THSD7B: variants seen among roughly 807,000 people sequenced by gnomAD.
THSD7B encodes thrombospondin type 1 domain containing 7B.
A neutral mutation model predicts 213.6 loss-of-function variants in THSD7B; 138 were observed. That is an observed-to-expected ratio of 0.65 (90% confidence interval 0.56 to 0.74). The LOEUF (loss-of-function observed/expected upper bound fraction) is 0.74. Ranked by LOEUF, THSD7B falls within the 30% of genes least tolerant of loss-of-function variation. The pLI, the probability that THSD7B is intolerant of heterozygous loss-of-function variation, is 0.00. For synonymous variants in THSD7B, 742 were observed against 687.0 expected, an observed-to-expected ratio of 1.08 and a Z score of -1.25; for missense variants, 1,931 against 1,991.5, an observed-to-expected ratio of 0.97 and a Z score of 0.58.
chr2:137,558,986 A>G (rs1392072737), intron 15 of THSD7B, among the ~76,000 whole-genome samples: 1 of 152,146 alleles, frequency 6.6e-6, no homozygotes, highest in African/African-American at 2.4e-5. Flanking sequence ...AGAATAAAAT[A>G]CCTAGGAATC....
intron 14 of THSD7B, among the ~76,000 whole-genome samples, chr2:137,435,217 T>C (rs188356820): frequency 6.6e-6 from 1 of 152,290 alleles, no homozygotes; most frequent in Admixed American, 6.5e-5. Flanking sequence ...TTGGCATACT[T>C]TTTTGGTTAT....
intron 15 of THSD7B, among the ~76,000 whole-genome samples, chr2:137,542,445 AAAGG>A (rs1680627060): frequency 6.6e-6 from 1 of 151,686 alleles, no homozygotes; most frequent in Non-Finnish European, 1.5e-5. Flanking sequence ...ACTAGATACT[AAAGG>A]AAGTCTTTCA....
At chr2:137,632,070 AGG>A (rs1682752160) in intron 20 of THSD7B, among the ~76,000 whole-genome samples, 4 of 152,178 alleles carry the variant, frequency 2.6e-5, no homozygotes, top group Admixed American at 2.6e-4. Context: ...TCAGTTGTGG[AGG>A]ATGGATTTGA....
chr2:137,250,864 T>C (rs924232929), intron 10 of THSD7B, among the ~76,000 whole-genome samples: 3 of 152,174 alleles, frequency 2.0e-5, no homozygotes, highest in Non-Finnish European at 2.9e-5. Flanking sequence ...GCCCAAATCT[T>C]ACTACAGCCT....
intron 15 of THSD7B, among the ~76,000 whole-genome samples, chr2:137,489,325 T>TGAGGCAGGAGATTGCCTGAACCTGG (rs1688553736): frequency 6.6e-6 from 1 of 151,364 alleles, no homozygotes; most frequent in Non-Finnish European, 1.5e-5. Context: ...CTTGGGAGGC[T>TGAGGCAGGAGATTGCCTGAACCTGG]GAGGCAGGAG....
chr2:136,852,566 T>C (rs1683116394), intron 1 of THSD7B, among the ~76,000 whole-genome samples: 1 of 152,186 alleles, frequency 6.6e-6, no homozygotes, highest in Non-Finnish European at 1.5e-5. Context: ...TGTTAGATGA[T>C]GAGTATTGTT....
At chr2:137,238,582 T>C (rs952213641) in intron 9 of THSD7B, among the ~76,000 whole-genome samples, 5 of 129,384 alleles carry the variant, frequency 3.9e-5, no homozygotes, top group Non-Finnish European at 6.4e-5. Flanking sequence ...AGTCTCGCTC[T>C]GTCGCCCAGG....
chr2:137,128,331 C>T (rs1257827057), intron 5 of THSD7B, among the ~76,000 whole-genome samples: 2 of 152,114 alleles, frequency 1.3e-5, no homozygotes, highest in African/African-American at 4.8e-5. Context: ...ATTATTTCAA[C>T]TAAGACTTAA....
At chr2:137,463,320 A>G (rs1257551562) in intron 15 of THSD7B, among the ~76,000 whole-genome samples, 1 of 152,018 alleles carries the variant, frequency 6.6e-6, no homozygotes, top group Admixed American at 6.6e-5. Context: ...AAAATTTTAT[A>G]TTTTGCTAAT....
chr2:137,490,227 C>T (rs1361135866), intron 15 of THSD7B, among the ~76,000 whole-genome samples: 1 of 152,146 alleles, frequency 6.6e-6, no homozygotes, highest in Non-Finnish European at 1.5e-5. Context: ...GACTTTTGGT[C>T]ATGCTTGATA....
intron 2 of THSD7B, among the ~76,000 whole-genome samples, chr2:137,050,768 A>G (rs1380146386): frequency 6.6e-6 from 1 of 152,192 alleles, no homozygotes; most frequent in Non-Finnish European, 1.5e-5. Flanking sequence ...ATTTTTATAT[A>G]ACTGAAATGT....
chr2:137,090,995 AT>A (rs1687938714), intron 3 of THSD7B, among the ~76,000 whole-genome samples: 1 of 152,208 alleles, frequency 6.6e-6, no homozygotes, highest in South Asian at 2.1e-4. Context: ...TACTGATCAA[AT>A]TAGACCAGAG....
intron 21 of THSD7B, among the ~76,000 whole-genome samples, chr2:137,654,699 T>G (rs144178834): frequency 1.3e-5 from 2 of 152,170 alleles, no homozygotes; most frequent in South Asian, 4.1e-4. Context: ...ATCCTCATAT[T>G]TGAGCTCTGA....
intron 12 of THSD7B, among the ~76,000 whole-genome samples, chr2:137,316,284 T>G (rs1054320424): frequency 6.6e-6 from 1 of 152,254 alleles, no homozygotes; most frequent in Non-Finnish European, 1.5e-5. Flanking sequence ...GTTAAATGAC[T>G]GTTCTTAACG....
chr2:137,397,405 A>G (rs1156544938), intron 12 of THSD7B, among the ~76,000 whole-genome samples: 1 of 151,908 alleles, frequency 6.6e-6, no homozygotes, highest in East Asian at 1.9e-4. Context: ...AAAGGATTTT[A>G]TTTCTCCTTC....
In THSD7B at chr2:136,996,577, C is replaced by T. The variant is rs761534388; in HGVS notation, c.140-59843C>T. Among the ~76,000 whole-genome samples, 3 of 152,100 alleles carry T rather than the reference C, an allele frequency of 2.0e-5. No homozygotes were observed. The South Asian group carries it at 6.2e-4, about 32-fold the overall frequency. ...TCCAGGCTAGTCTTAAACCCCTGGG[C>T]TCAAGCAATCCACCTGCCTAAACCT... On this transcript the variant is annotated intron_variant, in intron 2 of 27. Coordinates refer to ENST00000409968, the MANE Select transcript of THSD7B (RefSeq NM_001316349.2).
At chr2:136,861,889 C>T (rs111532571) in intron 1 of THSD7B, among the ~76,000 whole-genome samples, 57 of 152,288 alleles carry the variant, frequency 3.7e-4, no homozygotes, top group African/African-American at 1.3e-3. Flanking sequence ...CCTGGGACTG[C>T]AGTCATCTGA....
At chr2:136,780,210 G>A (rs532246300) in intron 1 of THSD7B, among the ~76,000 whole-genome samples, 2 of 152,264 alleles carry the variant, frequency 1.3e-5, no homozygotes, top group East Asian at 1.9e-4. Context: ...AGTTCCTTTG[G>A]TTCCAAGAAT....
chr2:137,615,388 G>A (rs1682365075), intron 17 of THSD7B, among the ~76,000 whole-genome samples: 1 of 152,152 alleles, frequency 6.6e-6, no homozygotes, highest in African/African-American at 2.4e-5. Flanking sequence ...TGAAAACGGT[G>A]AATAGGATTT....
Sources: gnomAD v4.1 joint callset for allele counts (sites outside exome capture counted in the v4.1 genomes callset) on GRCh38, gnomAD v4.1.1 for gene constraint, MANE v1.5 for transcripts, NCBI Gene and HGNC (gene_info 2026-07-23, HGNC 2026-07-21) for gene names.